GALNT17: variants seen among roughly 807,000 people sequenced by gnomAD.
GALNT17 encodes the protein polypeptide N-acetylgalactosaminyltransferase 17.
Under a neutral mutation model 63.7 loss-of-function variants are expected in GALNT17, and 29 were observed. The ratio of observed to expected loss-of-function variants is 0.46; its 90% CI spans 0.34 to 0.62. The LOEUF is 0.62. GALNT17 is among the 20% of genes least tolerant of loss of function. GALNT17 has a pLI of 0.01. For synonymous variants in GALNT17, 305 were observed against 318.3 expected, an observed-to-expected ratio of 0.96 and a Z score of 0.45; for missense variants, 603 against 799.6, an observed-to-expected ratio of 0.75 and a Z score of 2.97.
At chr7:71,515,757 T>C (rs548504592) in intron 5 of GALNT17, among the ~76,000 whole-genome samples, 2 of 152,220 alleles carry the variant, frequency 1.3e-5, no homozygotes, top group South Asian at 4.1e-4. Context: ...AATTTAGAGG[T>C]TTATTTTGCC....
chr7:71,308,047 G>A (rs1791339320), intron 1 of GALNT17, among the ~76,000 whole-genome samples: 1 of 152,010 alleles, frequency 6.6e-6, no homozygotes, highest in Non-Finnish European at 1.5e-5. Context: ...CCAATTCTGG[G>A]AAGTCTGAAG....
At chr7:71,674,990 C>A (rs572094577) in intron 8 of GALNT17, among the ~76,000 whole-genome samples, 3 of 152,074 alleles carry the variant, frequency 2.0e-5, no homozygotes, top group African/African-American at 7.2e-5. Context: ...TGGAGACCAT[C>A]CTGGCCAATA....
chr7:71,298,501 G>GAGT (rs1791124918), intron 1 of GALNT17, among the ~76,000 whole-genome samples: 1 of 152,158 alleles, frequency 6.6e-6, no homozygotes, highest in South Asian at 2.1e-4. Flanking sequence ...GCATGGACGC[G>GAGT]AGTCTTACAC....
chr7:71,712,043 C>G lies in GALNT17; in HGVS notation c.1694C>G (p.Thr565Arg). 3 of 1,614,028 alleles carry G rather than the reference C, an allele frequency of 1.9e-6. No homozygotes were observed. Among genetic ancestry groups the G allele is most frequent in the Non-Finnish European group, 2.5e-6 (3 of 1,179,970 alleles). Residue 565 changes from threonine (T) to arginine (R), a missense_variant, in exon 11 of 11, where the codon ACG (threonine) becomes AGG (arginine). Physicochemically the swap from Thr to Arg is moderately conservative, Grantham distance 71 (BLOSUM62 -1). Coordinates refer to ENST00000333538, the MANE Select transcript of GALNT17 (RefSeq NM_022479.3). ...IQNGAIMNKG[T>R]GRCLEVENRG... ...AATGGAGCCATCATGAACAAGGGCA[C>G]GGGACGCTGCCTGGAGGTGGAGAAC... is the stretch of plus-strand genomic sequence containing the variant.
intron 6 of GALNT17, among the ~76,000 whole-genome samples, chr7:71,589,149 A>T (rs1027154585): frequency 2.0e-5 from 3 of 152,184 alleles, no homozygotes; most frequent in Non-Finnish European, 4.4e-5. Context: ...TGTAATTTTC[A>T]TTGAGAAGCA....
chr7:71,172,922 C>T (rs1174688631), intron 1 of GALNT17, among the ~76,000 whole-genome samples: 1 of 152,122 alleles, frequency 6.6e-6, no homozygotes, highest in Non-Finnish European at 1.5e-5. Flanking sequence ...GAACTGATGA[C>T]AGGAACAGCA....
chr7:71,537,828 A>G (rs1788825039), intron 5 of GALNT17, among the ~76,000 whole-genome samples: 1 of 152,126 alleles, frequency 6.6e-6, no homozygotes, highest in Non-Finnish European at 1.5e-5. Context: ...AACGAAAACA[A>G]AAACAAAAAG....
At chr7:71,584,271 A>G (rs1256454407) in intron 6 of GALNT17, among the ~76,000 whole-genome samples, 1 of 152,194 alleles carries the variant, frequency 6.6e-6, no homozygotes, top group Non-Finnish European at 1.5e-5. Context: ...TCCCTTCAAA[A>G]CAAACTGGAA....
chr7:71,270,381 T>A (rs1790563350), intron 1 of GALNT17, among the ~76,000 whole-genome samples: 1 of 151,770 alleles, frequency 6.6e-6, no homozygotes, highest in African/African-American at 2.4e-5. Context: ...AAAAATTAGC[T>A]GGGCGTGGTG....
intron 5 of GALNT17, among the ~76,000 whole-genome samples, chr7:71,456,738 G>A (rs965444922): frequency 1.3e-5 from 2 of 152,108 alleles, no homozygotes; most frequent in Non-Finnish European, 2.9e-5. Context: ...AAATATCTGA[G>A]ACAGATTTCA....
intron 1 of GALNT17, among the ~76,000 whole-genome samples, chr7:71,223,622 G>A (rs554728857): frequency 2.6e-5 from 4 of 151,960 alleles, no homozygotes; most frequent in South Asian, 4.2e-4. Context: ...CTCATGTTAC[G>A]GGGGCTTGTC....
chr7:71,173,103 T>C (rs549872992), intron 1 of GALNT17, among the ~76,000 whole-genome samples: 2 of 152,308 alleles, frequency 1.3e-5, no homozygotes, highest in South Asian at 2.1e-4. Context: ...CTCAACACAA[T>C]GTAGCTGCTG....
chr7:71,250,844 G>T (rs921957224), intron 1 of GALNT17, among the ~76,000 whole-genome samples: 1 of 152,118 alleles, frequency 6.6e-6, no homozygotes, highest in Non-Finnish European at 1.5e-5. Flanking sequence ...TTCTGTGTGC[G>T]CCTTTCTTAA....
At chr7:71,454,434 A>G (rs945158791) in intron 5 of GALNT17, among the ~76,000 whole-genome samples, 5 of 152,176 alleles carry the variant, frequency 3.3e-5, no homozygotes, top group African/African-American at 1.2e-4. Context: ...CATGGTGTAT[A>G]TGTACCACAT....
intron 1 of GALNT17, chr7:71,307,537 A>G (rs151185310): frequency 6.6e-6 from 1 of 152,062 alleles, no homozygotes; most frequent in Non-Finnish European, 1.5e-5. Context: ...GTGCTATGAT[A>G]GAGACAGGTC....
intron 1 of GALNT17, among the ~76,000 whole-genome samples, chr7:71,307,288 C>T (rs78674387): frequency 0.014 from 2,185 of 152,210 alleles, 25 homozygotes; most frequent in Middle Eastern, 0.027. Flanking sequence ...TCCACATCCT[C>T]GCCAACACTT....
At chr7:71,576,103 A>G (rs1789533158) in intron 6 of GALNT17, among the ~76,000 whole-genome samples, 1 of 152,206 alleles carries the variant, frequency 6.6e-6, no homozygotes, top group South Asian at 2.1e-4. Context: ...GTCATTCTCT[A>G]ATATATCAGT....
chr7:71,513,908 A>G (rs1788404454), intron 5 of GALNT17, among the ~76,000 whole-genome samples: 1 of 152,168 alleles, frequency 6.6e-6, no homozygotes, highest in African/African-American at 2.4e-5. Context: ...TTCACAGTGG[A>G]GAGCTGGGCA....
chr7:71,681,409 G>T (rs770870590), intron 9 of GALNT17, among the ~76,000 whole-genome samples: 1 of 152,172 alleles, frequency 6.6e-6, no homozygotes, highest in Non-Finnish European at 1.5e-5. Flanking sequence ...AGCTAGTCTC[G>T]GGCTGAGATG....
Sources: allele counts gnomAD v4.1 joint callset (sites outside exome capture counted in the v4.1 genomes callset), GRCh38; gene constraint gnomAD v4.1.1; transcripts MANE v1.5; gene names NCBI Gene and HGNC (gene_info 2026-07-23, HGNC 2026-07-21).